B3GAT2: variants seen among roughly 807,000 people sequenced by gnomAD.
B3GAT2 encodes the protein galactosylgalactosylxylosylprotein 3-beta-glucuronosyltransferase 2.
B3GAT2 carries 26 observed loss-of-function variants against 27.8 expected under a neutral mutation model. The observed-to-expected ratio is 0.93, with a 90% CI of 0.68 to 1.30. B3GAT2 has a LOEUF of 1.30. Among genes scored for constraint, B3GAT2 ranks in the 50% most tolerant of loss-of-function variants. The probability of loss-of-function intolerance (pLI) is 0.00; values close to 1 mark genes in which losing one functional copy is unlikely to be tolerated. For synonymous variants in B3GAT2, 218 were observed against 195.1 expected (o/e 1.12, Z -0.98); for missense variants, 458 against 459.0 (o/e 1.00, Z 0.02).
chr6:70,877,676 C>T (rs1057443428), intron 2 of B3GAT2, among the ~76,000 whole-genome samples: 10 of 152,158 alleles, frequency 6.6e-5, no homozygotes, highest in African/African-American at 9.7e-5. Flanking sequence ...AATGTGGTGG[C>T]GGCGGGGGTG....
At chr6:70,926,198 G>A (rs1449870237) in intron 1 of B3GAT2, among the ~76,000 whole-genome samples, 1 of 151,584 alleles carries the variant, frequency 6.6e-6, no homozygotes, top group African/African-American at 2.4e-5. Flanking sequence ...ACCAAAGTTT[G>A]ATAAAACCAC....
At chr6:70,881,583 C>T (rs143058767) in intron 2 of B3GAT2, among the ~76,000 whole-genome samples, 1 of 152,142 alleles carries the variant, frequency 6.6e-6, no homozygotes, top group Non-Finnish European at 1.5e-5. Flanking sequence ...GCGGCTTCAC[C>T]AGTGGGCTGT....
chr6:70,950,918 T>C (rs1765569730), intron 1 of B3GAT2, among the ~76,000 whole-genome samples: 1 of 152,216 alleles, frequency 6.6e-6, no homozygotes, highest in Non-Finnish European at 1.5e-5. Context: ...TTTAAAATTG[T>C]ATGCAAAAAT....
At chr6:70,919,790 C>T (rs1003422660) in intron 1 of B3GAT2, among the ~76,000 whole-genome samples, 4 of 152,084 alleles carry the variant, frequency 2.6e-5, no homozygotes, top group African/African-American at 7.2e-5. Flanking sequence ...GAGGGGCACC[C>T]GCCTGTATGA....
chr6:70,900,920 T>A (rs992757355), intron 1 of B3GAT2, among the ~76,000 whole-genome samples: 1 of 152,178 alleles, frequency 6.6e-6, no homozygotes, highest in Non-Finnish European at 1.5e-5. Context: ...ACACTCTGTA[T>A]CCTGTTTTTT....
chr6:70,955,903 G>A lies in B3GAT2; in HGVS notation c.527C>T (p.Ala176Val), dbSNP rs1765646933. Residue 176 changes from alanine (A) to valine (V), a missense_variant, in exon 1 of 4, where the codon GCG becomes GTG. Ala to Val is a moderately conservative substitution (Grantham distance 64). Coordinates refer to ENST00000230053, the MANE Select transcript of B3GAT2 (RefSeq NM_080742.3). The part of the protein sequence containing the change: ...WLRQRHQHQR[A>V]QPGVLFFADD... ...AGCGAAGAAGAGCACGCCGGGCTGC[G>A]CGCGCTGGTGCTGGTGCCTCTGGCG... is the stretch of plus-strand genomic sequence containing the variant. The A allele has an allele frequency of 6.2e-7, 1 of 1,603,310 alleles. No individual in the cohort carries two copies. Among genetic ancestry groups the A allele is most frequent in the Non-Finnish European group, 8.5e-7 (1 of 1,176,044 alleles).
intron 2 of B3GAT2, among the ~76,000 whole-genome samples, chr6:70,884,803 A>G (rs181988040): frequency 6.6e-6 from 1 of 152,372 alleles, no homozygotes; most frequent in East Asian, 1.9e-4. Flanking sequence ...GCTTAGGGCA[A>G]TGCCGACTGA....
chr6:70,954,933 G>C (rs1765628877), intron 1 of B3GAT2, among the ~76,000 whole-genome samples: 1 of 150,730 alleles, frequency 6.6e-6, no homozygotes. Context: ...GGCGGTGCGC[G>C]CGTGGCCATC....
In B3GAT2 at chr6:70,858,014, G is replaced by C. The variant is rs117107973; in HGVS notation, c.*3649C>G. 340 of 1,614,154 alleles carry C rather than the reference G, an allele frequency of 2.1e-4. 1 individual carries two copies. The East Asian group carries it at 6.8e-3, about 32-fold the overall frequency. On this transcript the variant is annotated 3_prime_UTR_variant, in exon 4 of 4. Transcript: ENST00000230053. ...ATCGATGGGCGTGCCTGTGCCTGCAGCTCCTGGCCTTATAGGAAATGTGAT... is the reference window on the plus strand; with the variant it reads ...ATCGATGGGCGTGCCTGTGCCTGCACCTCCTGGCCTTATAGGAAATGTGAT...
intron 1 of B3GAT2, among the ~76,000 whole-genome samples, chr6:70,912,839 A>C (rs895906778): frequency 6.6e-6 from 1 of 152,062 alleles, no homozygotes; most frequent in Non-Finnish European, 1.5e-5. Flanking sequence ...CTACTGATTC[A>C]ATTTTGGAAC....
intron 1 of B3GAT2, among the ~76,000 whole-genome samples, chr6:70,915,405 T>C (rs1772755218): frequency 2.0e-5 from 3 of 152,258 alleles, no homozygotes; most frequent in African/African-American, 4.8e-5. Context: ...AGCTGTTTAG[T>C]TTAATTAGAT....
At chr6:70,921,509 T>C (rs761852972) in intron 1 of B3GAT2, among the ~76,000 whole-genome samples, 29 of 152,366 alleles carry the variant, frequency 1.9e-4, no homozygotes, top group Non-Finnish European at 3.4e-4. Context: ...TATTGTTTTA[T>C]TGGATTCCTT....
rs1460019872 is a variant in B3GAT2, at chr6:70,946,749, A to C, written c.591+9090T>G. Among the ~76,000 whole-genome samples, 17 of 151,976 alleles carry C rather than the reference A, an allele frequency of 1.1e-4. No homozygotes were observed. The South Asian group carries it at 3.5e-3, about 32-fold the overall frequency. ...AGCGGACCTAATACACATCTAAAGA[A>C]CTCTCCACCCCAAATCAACAGAATA... is the stretch of plus-strand genomic sequence containing the variant. On this transcript the variant is annotated intron_variant, in intron 1 of 3. Coordinates refer to ENST00000230053, the MANE Select transcript of B3GAT2 (RefSeq NM_080742.3).
chr6:70,862,552 A>C (rs943782024), intron 2 of B3GAT2, among the ~76,000 whole-genome samples: 1 of 152,170 alleles, frequency 6.6e-6, no homozygotes, highest in Non-Finnish European at 1.5e-5. Context: ...GGTTCAATCT[A>C]AAAAGGGTAT....
chr6:70,921,577 C>A (rs1772871852), intron 1 of B3GAT2, among the ~76,000 whole-genome samples: 2 of 152,062 alleles, frequency 1.3e-5, no homozygotes. Context: ...TTTTTCTATC[C>A]AGATTCTCAA....
intron 2 of B3GAT2, 50 bp downstream of exon 2, chr6:70,894,078 A>G (rs1348671905): frequency 6.1e-6 from 9 of 1,474,138 alleles, no homozygotes; most frequent in Non-Finnish European, 8.1e-6. Context: ...TATAAACAAG[A>G]GCATAAGAAC....
At chr6:70,861,802 G>GGT (rs1771744870) in intron 3 of B3GAT2, 28 bp downstream of exon 3, 1 of 1,613,880 alleles carries the variant, frequency 6.2e-7, no homozygotes, top group Non-Finnish European at 8.5e-7. Flanking sequence ...TGACACTCGA[G>GGT]GTCGGGCAGC....
intron 2 of B3GAT2, among the ~76,000 whole-genome samples, chr6:70,879,603 C>T (rs1181063644): frequency 6.6e-6 from 1 of 152,114 alleles, no homozygotes; most frequent in Non-Finnish European, 1.5e-5. Flanking sequence ...CATTATAGCC[C>T]AGGTGCAGGC....
At position 70,929,548 on chromosome 6, in the gene B3GAT2, C is replaced by T. The variant is rs564881918; in HGVS notation, c.591+26291G>A. ...GCAAAATCACAAGCTTTCCTATACA[C>T]CAAAAACAGACAGAGAGACAAATCA... On this transcript the variant is annotated intron_variant, in intron 1 of 3. Coordinates refer to ENST00000230053, the MANE Select transcript of B3GAT2 (RefSeq NM_080742.3). 2.9e-3 allele frequency among the ~76,000 whole-genome samples: 442 copies of T among 152,100 alleles called. 3 individuals carry two copies. The highest frequency in any genetic ancestry group is 0.01 in the African/African-American group (417 of 41,488).
Sources: gnomAD v4.1 joint callset for allele counts (sites outside exome capture counted in the v4.1 genomes callset) on GRCh38, gnomAD v4.1.1 for gene constraint, MANE v1.5 for transcripts, NCBI Gene and HGNC (gene_info 2026-07-23, HGNC 2026-07-21) for gene names.